The following HNRNPA1L2 variants were observed in gnomAD, a reference collection of about 807,000 sequenced individuals.
The protein encoded by HNRNPA1L2 is heterogeneous nuclear ribonucleoprotein A1-like 2.
A neutral mutation model predicts 18.2 loss-of-function variants in HNRNPA1L2; 10 were observed. The ratio of observed to expected loss-of-function variants is 0.55; its 90% CI spans 0.34 to 0.93. The LOEUF is 0.93. Ranked by LOEUF, HNRNPA1L2 falls within the 40% of genes least tolerant of loss-of-function variation. The pLI is 0.02. For missense variants in HNRNPA1L2, 308 were observed against 394.4 expected (o/e 0.78, Z 1.85); for synonymous variants, 124 against 138.6 (o/e 0.89, Z 0.74).
the HNRNPA1L2 span, among the ~76,000 whole-genome samples, chr13:52,633,759 T>C: frequency 7.2e-5 from 11 of 152,028 alleles, no homozygotes; most frequent in African/African-American, 1.7e-4. Flanking sequence ...CTGCAATGAG[T>C]TACAATTGTG....
At chr13:52,630,082 G>A in the HNRNPA1L2 span, among the ~76,000 whole-genome samples, 3 of 151,836 alleles carry the variant, frequency 2.0e-5, no homozygotes, top group African/African-American at 7.3e-5. Flanking sequence ...TAGATTATTT[G>A]TGGCTATTTG....
At chr13:52,634,295 G>A in the HNRNPA1L2 span, among the ~76,000 whole-genome samples, 133 of 152,298 alleles carry the variant, frequency 8.7e-4, no homozygotes, top group Admixed American at 2.3e-3. Flanking sequence ...AGCCAAAAGA[G>A]ACACTTGGAT....
rs1961739879 is a variant in HNRNPA1L2 at position 52,643,599 on chromosome 13, T to A, written c.*144T>A. ...AAGACATGTTTTAGACAAATACTCA[T>A]GTGTATGGGCAAAAAACTCGAGGAC... On this transcript the variant is annotated 3_prime_UTR_variant, in exon 1 of 1. Coordinates refer to ENST00000357495, the MANE Select transcript of HNRNPA1L2 (RefSeq NM_001389320.1). 2 of 667,364 alleles carry A rather than the reference T, an allele frequency of 3.0e-6. No individual in the cohort carries two copies. Among genetic ancestry groups the A allele is most frequent in the African/African-American group, 1.8e-5 (1 of 55,934 alleles). 41.3% of individuals were successfully genotyped at this position (667,364 alleles called of 1,614,324 possible). A position where few individuals can be genotyped will look rare whatever the true frequency, so the allele number is the denominator to read the frequency against.
chr13:52,643,319 T>G lies in HNRNPA1L2; in HGVS notation c.827T>G (p.Met276Arg), dbSNP rs532586598. The change falls in exon 1 of 1, where the codon ATG (methionine) becomes AGG (arginine). Residue 276 changes from methionine to arginine, a missense_variant. Coordinates refer to ENST00000357495, the MANE Select transcript of HNRNPA1L2 (RefSeq NM_001389320.1). ...YNNQSSNFGP[M>R]KGGNFGGRSS... ...AATCAGTCTTCAAATTTTGGACCCA[T>G]GAAGGGAGGAAATTTTGGAGGCAGA... The G allele has an allele frequency of 1.3e-6, 2 of 1,596,732 alleles. No homozygotes were observed. Among genetic ancestry groups the G allele is most frequent in the Non-Finnish European group, 1.7e-6 (2 of 1,179,018 alleles).
chr13:52,635,639 T>C, the HNRNPA1L2 span, among the ~76,000 whole-genome samples: 1 of 150,072 alleles, frequency 6.7e-6, no homozygotes, highest in African/African-American at 2.5e-5. Flanking sequence ...AGGCAACCAC[T>C]GATCTGCTTT....
At chr13:52,637,014 G>A in the HNRNPA1L2 span, among the ~76,000 whole-genome samples, 1 of 152,042 alleles carries the variant, frequency 6.6e-6, no homozygotes, top group Non-Finnish European at 1.5e-5. Flanking sequence ...TGTATTTTAA[G>A]TAGAGATGGG....
At chr13:52,620,810 C>T in the HNRNPA1L2 span, among the ~76,000 whole-genome samples, 5 of 151,610 alleles carry the variant, frequency 3.3e-5, no homozygotes, top group South Asian at 2.1e-4. Flanking sequence ...CTGGGGAAGT[C>T]GAGGCTGCAG....
chr13:52,636,885 G>A, the HNRNPA1L2 span, among the ~76,000 whole-genome samples: 1 of 152,142 alleles, frequency 6.6e-6, no homozygotes, highest in Non-Finnish European at 1.5e-5. Context: ...AGGTCGGAAT[G>A]CAGTGGCCCG....
the HNRNPA1L2 span, among the ~76,000 whole-genome samples, chr13:52,626,473 C>T: frequency 5.4e-5 from 8 of 147,920 alleles, no homozygotes; most frequent in East Asian, 1.6e-3. Flanking sequence ...AGTTTACTTT[C>T]TTTTCATAAT....
chr13:52,618,419 A>G, the HNRNPA1L2 span, among the ~76,000 whole-genome samples: 3 of 152,216 alleles, frequency 2.0e-5, no homozygotes, highest in Non-Finnish European at 2.9e-5. Flanking sequence ...ACTTCCATGC[A>G]TAACACTCAG....
At chr13:52,635,970 G>A in the HNRNPA1L2 span, among the ~76,000 whole-genome samples, 3 of 151,908 alleles carry the variant, frequency 2.0e-5, no homozygotes, top group Non-Finnish European at 2.9e-5. Context: ...CCGAGTAGCT[G>A]GGATTACAGG....
At chr13:52,630,899 A>C in the HNRNPA1L2 span, among the ~76,000 whole-genome samples, 1 of 152,230 alleles carries the variant, frequency 6.6e-6, no homozygotes, top group Non-Finnish European at 1.5e-5. Context: ...AATTTAACTG[A>C]ATCATTCAGC....
the HNRNPA1L2 span, chr13:52,629,256 T>G: frequency 1.1e-5 from 2 of 187,290 alleles, no homozygotes; most frequent in African/African-American, 4.8e-5. Context: ...AATTGCCAGA[T>G]GTGCTACAGC....
the HNRNPA1L2 span, among the ~76,000 whole-genome samples, chr13:52,621,546 G>A: frequency 2.6e-5 from 4 of 152,140 alleles, no homozygotes; most frequent in South Asian, 4.2e-4. Flanking sequence ...TTTTTCTACC[G>A]AACTCTGGGG....
At chr13:52,625,774 C>G in the HNRNPA1L2 span, among the ~76,000 whole-genome samples, 1 of 152,064 alleles carries the variant, frequency 6.6e-6, no homozygotes, top group South Asian at 2.1e-4. Flanking sequence ...TATTATATTT[C>G]CTTTTTTCTT....
chr13:52,633,814 A>AG, the HNRNPA1L2 span, among the ~76,000 whole-genome samples: 2 of 150,952 alleles, frequency 1.3e-5, no homozygotes, highest in African/African-American at 2.5e-5. Context: ...CCCCTCTCAA[A>AG]GGGGAAAAAG....
At chr13:52,635,590 AC>A in the HNRNPA1L2 span, among the ~76,000 whole-genome samples, 3 of 56,304 alleles carry the variant, frequency 5.3e-5, no homozygotes, top group South Asian at 4.3e-4. Context: ...ACACACACAC[AC>A]ACACACACAC....
the HNRNPA1L2 span, among the ~76,000 whole-genome samples, chr13:52,618,458 G>A: frequency 1.4e-3 from 214 of 152,336 alleles, 1 homozygote; most frequent in Non-Finnish European, 1.9e-3. Context: ...GCTGAAGCAG[G>A]TTAGTAGCAG....
upstream of HNRNPA1L2, among the ~76,000 whole-genome samples, chr13:52,638,104 T>A (rs1961521085): frequency 6.6e-6 from 1 of 152,222 alleles, no homozygotes; most frequent in Admixed American, 6.5e-5. Context: ...TTAAGGATGG[T>A]ATTTGTTATA....
Sources: allele counts gnomAD v4.1 joint callset (sites outside exome capture counted in the v4.1 genomes callset), GRCh38; gene constraint gnomAD v4.1.1; transcripts MANE v1.5; gene names NCBI Gene and HGNC (gene_info 2026-07-23, HGNC 2026-07-21).